GIGYF2: variants seen among roughly 807,000 people sequenced by gnomAD.
The protein encoded by GIGYF2 is GRB10-interacting GYF protein 2.
GIGYF2 carries 25 observed loss-of-function variants against 208.1 expected under a neutral mutation model. The ratio of observed to expected loss-of-function variants is 0.12; its 90% CI spans 0.09 to 0.17. GIGYF2 has a LOEUF of 0.17. GIGYF2 is among the 10% of genes least tolerant of loss of function. GIGYF2 has a pLI of 1.00. For synonymous variants in GIGYF2, 534 were observed against 543.8 expected, an observed-to-expected ratio of 0.98 and a Z score of 0.25; for missense variants, 1,302 against 1,579.4, an observed-to-expected ratio of 0.82 and a Z score of 2.98.
In GIGYF2 at chr2:232,847,484, A is replaced by C. The variant is rs1339957930; in HGVS notation, c.3597A>C (p.Lys1199Asn). Residue 1199 changes from lysine to asparagine, a missense_variant, in exon 27 of 29, where the codon AAA becomes AAC. This residue lies in a region of GIGYF2 where 701 missense variants were observed against 793.0 expected (regional missense o/e 0.88). Coordinates refer to ENST00000373563, the MANE Select transcript of GIGYF2 (RefSeq NM_001103146.3). ...KQFLERRAKQ[K>N]ANQQRQQQQL... ...TCCTTGAGCGCCGTGCCAAACAGAAAGCCAACCAGCAGCGTCAGCAGCAGC... is the reference window on the plus strand; with the variant it reads ...TCCTTGAGCGCCGTGCCAAACAGAACGCCAACCAGCAGCGTCAGCAGCAGC... The C allele has an allele frequency of 6.2e-7, 1 of 1,610,780 alleles. No homozygotes were observed. The highest frequency in any genetic ancestry group is 1.1e-5 in the South Asian group (1 of 90,964).
intron 5 of GIGYF2, among the ~76,000 whole-genome samples, chr2:232,749,690 G>A (rs978717046): frequency 6.6e-6 from 1 of 152,150 alleles, no homozygotes; most frequent in African/African-American, 2.4e-5. Flanking sequence ...AAGCCTTGTT[G>A]GAAAGCTTGA....
intron 2 of GIGYF2, among the ~76,000 whole-genome samples, chr2:232,723,278 GAT>G (rs1234732517): frequency 1.3e-5 from 2 of 152,080 alleles, no homozygotes; most frequent in African/African-American, 4.8e-5. Context: ...CCTTCTCAGA[GAT>G]TTCATTTACA....
At chr2:232,734,928 C>A (rs1697670217) in intron 2 of GIGYF2, among the ~76,000 whole-genome samples, 1 of 152,162 alleles carries the variant, frequency 6.6e-6, no homozygotes, top group Non-Finnish European at 1.5e-5. Flanking sequence ...AACTGTGCCT[C>A]CTTACCCCAG....
intron 15 of GIGYF2, among the ~76,000 whole-genome samples, chr2:232,807,482 C>T (rs1054302562): frequency 5.9e-5 from 9 of 152,090 alleles, no homozygotes; most frequent in African/African-American, 1.4e-4. Flanking sequence ...GTGATTGCAC[C>T]GCTGCACTGC....
At chr2:232,710,083 C>G (rs1398528482) in intron 2 of GIGYF2, among the ~76,000 whole-genome samples, 1 of 151,962 alleles carries the variant, frequency 6.6e-6, no homozygotes, top group Non-Finnish European at 1.5e-5. Context: ...CCTCAGCCTC[C>G]AGAGTAGCTG....
intron 3 of GIGYF2, among the ~76,000 whole-genome samples, chr2:232,739,371 C>G (rs1350858986): frequency 1.5e-5 from 2 of 136,322 alleles, no homozygotes; most frequent in East Asian, 2.2e-4. Context: ...ACCCCCCCCC[C>G]CCCGCAAAAA....
chr2:232,723,726 C>CTT (rs1559383695), intron 2 of GIGYF2, among the ~76,000 whole-genome samples: 14 of 95,628 alleles, frequency 1.5e-4, no homozygotes, highest in East Asian at 1.2e-3. Flanking sequence ...CTGTGCCCGG[C>CTT]CTTTTTTTTT....
intron 5 of GIGYF2, among the ~76,000 whole-genome samples, chr2:232,749,486 C>T (rs1476266585): frequency 5.9e-5 from 9 of 152,016 alleles, no homozygotes; most frequent in Non-Finnish European, 1.0e-4. Flanking sequence ...CAAAACTCTT[C>T]TGTCACCAAT....
intron 5 of GIGYF2, among the ~76,000 whole-genome samples, chr2:232,750,082 G>C (rs866723343): frequency 1.3e-5 from 2 of 152,072 alleles, no homozygotes; most frequent in South Asian, 4.1e-4. Flanking sequence ...CTACTTGGGA[G>C]GCTGAGGCAG....
chr2:232,786,295 T>C (rs1699905487), intron 8 of GIGYF2, among the ~76,000 whole-genome samples: 1 of 152,346 alleles, frequency 6.6e-6, no homozygotes, highest in African/African-American at 2.4e-5. Flanking sequence ...TGGAGTACAG[T>C]GTCGCGATCT....
At chr2:232,743,736 C>G (rs373619656) in intron 3 of GIGYF2, among the ~76,000 whole-genome samples, 1 of 152,194 alleles carries the variant, frequency 6.6e-6, no homozygotes, top group East Asian at 1.9e-4. Flanking sequence ...CATAGTACAG[C>G]CATTATCCTA....
At position 232,715,820 on chromosome 2, in the gene GIGYF2, CT is replaced by C. The variant is rs75526495; in HGVS notation, c.-44+12346del. On this transcript the variant is annotated intron_variant, in intron 2 of 28. Transcript: ENST00000373563. The stretch of plus-strand genomic sequence containing the variant: ...TTATAATAGATGGGAGAAGAATTTC[CT>C]TTTTTTTTTTTTTTAACCTTAAAAT... 3.2e-3 allele frequency among the ~76,000 whole-genome samples: 456 copies of C among 143,928 alleles called. 2 individuals are homozygous for C. Among genetic ancestry groups the C allele is most frequent in the Non-Finnish European group, 4.3e-3 (282 of 65,770 alleles). The allele number at this position is 143,928 out of a possible 152,430, so 94.4% of individuals were successfully genotyped here. A position where few individuals can be genotyped will look rare whatever the true frequency, so the allele number is the denominator to read the frequency against.
rs772102920 is a variant in GIGYF2 at position 232,749,423 on chromosome 2, C to T, written c.267+341C>T. 5.3e-5 allele frequency among the ~76,000 whole-genome samples: 8 copies of T among 152,002 alleles called. No homozygotes were observed. The East Asian group carries it at 7.7e-4, about 15-fold the overall frequency. On this transcript the variant is annotated intron_variant, in intron 5 of 28. Coordinates refer to ENST00000373563, the MANE Select transcript of GIGYF2 (RefSeq NM_001103146.3). ...AGTAATTGCCAACCTGAATTCTTAC[C>T]GGTGCATTTTACCACTAAGGGAAAA...
intron 2 of GIGYF2, among the ~76,000 whole-genome samples, chr2:232,709,507 C>G (rs1001753873): frequency 2.0e-5 from 3 of 152,100 alleles, no homozygotes; most frequent in African/African-American, 7.2e-5. Flanking sequence ...TTGCATTTTA[C>G]TTTTTAAAAT....
intron 5 of GIGYF2, among the ~76,000 whole-genome samples, chr2:232,754,246 C>G (rs1474149558): frequency 6.6e-6 from 1 of 151,180 alleles, no homozygotes; most frequent in African/African-American, 2.4e-5. Flanking sequence ...TGTAGAGGAC[C>G]ATGATTTTTA....
At chr2:232,817,136 G>T in intron 20 of GIGYF2, 104 bp downstream of exon 20, 1 of 905,320 alleles carries the variant, frequency 1.1e-6, no homozygotes, top group Non-Finnish European at 1.9e-6. Flanking sequence ...ACAGGATTGG[G>T]GTTAGAACCT....
chr2:232,748,909 T>G (rs1297358477), intron 4 of GIGYF2, 78 bp from the exon 5 acceptor site: 8 of 788,450 alleles, frequency 1.0e-5, no homozygotes, highest in Non-Finnish European at 1.9e-5. Flanking sequence ...AGAGTATTCT[T>G]TCTTGGATTT....
intron 8 of GIGYF2, among the ~76,000 whole-genome samples, chr2:232,761,752 C>T (rs1698746942): frequency 6.6e-6 from 1 of 151,864 alleles, no homozygotes; most frequent in South Asian, 2.1e-4. Context: ...AGGGCAAATG[C>T]TAAAATCTTT....
rs145154315 is a variant in GIGYF2, at chr2:232,853,238, C to T, written c.3832+2829C>T. 4.9e-4 allele frequency among the ~76,000 whole-genome samples: 75 copies of T among 152,302 alleles called. 1 individual carries two copies. Among genetic ancestry groups the T allele is most frequent in the African/African-American group, 1.4e-3 (57 of 41,564 alleles). On this transcript the variant is annotated intron_variant, in intron 28 of 28. Coordinates refer to ENST00000373563, the MANE Select transcript of GIGYF2 (RefSeq NM_001103146.3). ...ATAAAATGGGAAAATGGGAAGTCTT[C>T]GTTGAAAAAGCAGTCACTGATGGAA...
Sources: allele counts gnomAD v4.1 joint callset (sites outside exome capture counted in the v4.1 genomes callset), GRCh38; gene constraint gnomAD v4.1.1; regional missense constraint gnomAD v4.1.1; transcripts MANE v1.5; gene names NCBI Gene and HGNC (gene_info 2026-07-23, HGNC 2026-07-21).